RIGI: variants seen among roughly 807,000 people sequenced by gnomAD.
The protein encoded by RIGI is RNA sensor RIG-I.
the RIGI span, among the ~76,000 whole-genome samples, chr9:32,462,775 T>G: frequency 1.3e-5 from 2 of 152,184 alleles, no homozygotes; most frequent in Non-Finnish European, 2.9e-5. Context: ...ACTTGAACTC[T>G]TGGGCTTAAA....
the RIGI span, among the ~76,000 whole-genome samples, chr9:32,510,672 G>A: frequency 6.6e-6 from 1 of 152,148 alleles, no homozygotes; most frequent in African/African-American, 2.4e-5. Context: ...TGAAGAAACT[G>A]CATCAACTAA....
the RIGI span, among the ~76,000 whole-genome samples, chr9:32,483,722 C>A: frequency 6.6e-6 from 1 of 151,782 alleles, no homozygotes; most frequent in Non-Finnish European, 1.5e-5. Flanking sequence ...AATCCTGCCC[C>A]AGCTCACACA....
chr9:32,499,578 C>G, the RIGI span, among the ~76,000 whole-genome samples: 1 of 152,154 alleles, frequency 6.6e-6, no homozygotes, highest in South Asian at 2.1e-4. Flanking sequence ...TCCTCAGCCT[C>G]CCGGGTAGCT....
the RIGI span, among the ~76,000 whole-genome samples, chr9:32,471,401 G>A: frequency 6.6e-6 from 1 of 152,086 alleles, no homozygotes. Flanking sequence ...GACATCATAC[G>A]TGATTAATTT....
the RIGI span, among the ~76,000 whole-genome samples, chr9:32,486,453 CAAAAAAAAAAAA>C: frequency 1.6e-5 from 1 of 60,822 alleles, no homozygotes; most frequent in South Asian, 6.2e-4. Flanking sequence ...GACTCTGTCT[CAAAAAAAAAAAA>C]AAAAAAAAGA....
At chr9:32,478,493 T>A in the RIGI span, among the ~76,000 whole-genome samples, 1 of 152,208 alleles carries the variant, frequency 6.6e-6, no homozygotes, top group African/African-American at 2.4e-5. Context: ...GTTGGTAGCC[T>A]GGAATTCACT....
the RIGI span, among the ~76,000 whole-genome samples, chr9:32,509,373 C>T: frequency 1.3e-5 from 2 of 152,166 alleles, no homozygotes; most frequent in Non-Finnish European, 2.9e-5. Flanking sequence ...CTGGCAGGTG[C>T]CCCTCTGGGA....
the RIGI span, among the ~76,000 whole-genome samples, chr9:32,499,389 T>C: frequency 6.6e-6 from 1 of 151,182 alleles, no homozygotes; most frequent in African/African-American, 2.4e-5. Context: ...ACAAATGTAT[T>C]TATTTATTCG....
the RIGI span, among the ~76,000 whole-genome samples, chr9:32,522,380 T>C: frequency 6.6e-6 from 1 of 152,248 alleles, no homozygotes; most frequent in Non-Finnish European, 1.5e-5. Flanking sequence ...TCTTAGTTCA[T>C]GGCAATGTGT....
chr9:32,469,733 AG>A, the RIGI span, among the ~76,000 whole-genome samples: 1 of 152,226 alleles, frequency 6.6e-6, no homozygotes, highest in South Asian at 2.1e-4. Flanking sequence ...TACAGTGTGA[AG>A]TTTGGATGTG....
the RIGI span, chr9:32,487,434 A>G: frequency 6.2e-7 from 1 of 1,605,392 alleles, no homozygotes; most frequent in Non-Finnish European, 8.5e-7. Flanking sequence ...GTAGAGAGTA[A>G]CAGAATCTCA....
chr9:32,492,668 T>C, the RIGI span: 15 of 1,043,138 alleles, frequency 1.4e-5, no homozygotes, highest in Non-Finnish European at 2.0e-5. Flanking sequence ...CAGTGGGTCA[T>C]ATCCATGACA....
the RIGI span, chr9:32,485,690 A>G: frequency 1.3e-3 from 487 of 366,196 alleles, 2 homozygotes; most frequent in African/African-American, 9.6e-3. Context: ...ACAGGCGCAC[A>G]CCACCATGCC....
At chr9:32,505,315 G>A in the RIGI span, among the ~76,000 whole-genome samples, 5 of 151,794 alleles carry the variant, frequency 3.3e-5, no homozygotes, top group Non-Finnish European at 5.9e-5. Flanking sequence ...CTCTGCAGAG[G>A]GAATCAAAAG....
the RIGI span, among the ~76,000 whole-genome samples, chr9:32,522,445 G>T: frequency 3.3e-5 from 5 of 152,186 alleles, no homozygotes; most frequent in African/African-American, 1.2e-4. Flanking sequence ...GACACAGTTG[G>T]AGGAACAAGT....
the RIGI span, among the ~76,000 whole-genome samples, chr9:32,514,907 GT>G: frequency 6.6e-6 from 1 of 151,828 alleles, no homozygotes; most frequent in Non-Finnish European, 1.5e-5. Flanking sequence ...AGTAATTTCT[GT>G]AAGAAATATA....
At chr9:32,515,471 T>A in the RIGI span, among the ~76,000 whole-genome samples, 1 of 152,234 alleles carries the variant, frequency 6.6e-6, no homozygotes, top group Non-Finnish European at 1.5e-5. Context: ...TAAAATTTTC[T>A]ATTTTTTCCA....
chr9:32,510,254 C>A, the RIGI span, among the ~76,000 whole-genome samples: 1 of 152,072 alleles, frequency 6.6e-6, no homozygotes, highest in Admixed American at 6.5e-5. Context: ...CAAAGATACT[C>A]CTCGAGAAGA....
At chr9:32,490,954 T>C in the RIGI span, among the ~76,000 whole-genome samples, 1 of 152,176 alleles carries the variant, frequency 6.6e-6, no homozygotes, top group South Asian at 2.1e-4. Context: ...GACTCAGAAA[T>C]AGAAGTAGTA....
Sources: allele counts gnomAD v4.1 joint callset (sites outside exome capture counted in the v4.1 genomes callset), GRCh38; gene constraint gnomAD v4.1.1; transcripts MANE v1.5; gene names NCBI Gene and HGNC (gene_info 2026-07-23, HGNC 2026-07-21).